Variants in SH3RF3 observed in about 807,000 individuals in gnomAD.
SH3RF3 encodes E3 ubiquitin-protein ligase SH3RF3.
SH3RF3 carries 29 observed loss-of-function variants against 66.3 expected under a neutral mutation model. That is an observed-to-expected ratio of 0.44 (90% CI 0.33 to 0.60). SH3RF3 has a LOEUF of 0.60. Ranked by LOEUF, SH3RF3 falls within the 20% of genes least tolerant of loss-of-function variation. The pLI, the probability that SH3RF3 is intolerant of heterozygous loss-of-function variation, is 0.04. For missense variants in SH3RF3, 1,194 were observed against 1,190.9 expected (o/e 1.00, Z -0.04); for synonymous variants, 583 against 532.0 (o/e 1.10, Z -1.32).
At chr2:109,187,773 A>G (rs1005183394) in intron 1 of SH3RF3, among the ~76,000 whole-genome samples, 2 of 152,222 alleles carry the variant, frequency 1.3e-5, no homozygotes, top group African/African-American at 4.8e-5. Flanking sequence ...ACACACAGGC[A>G]CACAGGTGGG....
intron 3 of SH3RF3, among the ~76,000 whole-genome samples, chr2:109,372,888 TAA>T (rs1683305978): frequency 2.6e-5 from 4 of 152,228 alleles, no homozygotes; most frequent in Non-Finnish European, 5.9e-5. Context: ...TGCAGATACT[TAA>T]AGATGTTTGT....
intron 4 of SH3RF3, among the ~76,000 whole-genome samples, chr2:109,412,737 T>C (rs931093830): frequency 2.0e-5 from 3 of 152,138 alleles, no homozygotes; most frequent in Non-Finnish European, 4.4e-5. Flanking sequence ...CAGGAAACCA[T>C]TGTCACTTGA....
chr2:109,394,614 T>G (rs1258496846), intron 3 of SH3RF3, among the ~76,000 whole-genome samples: 1 of 152,232 alleles, frequency 6.6e-6, no homozygotes. Context: ...CTCTTTCCAT[T>G]AAAAAACATG....
chr2:109,161,663 G>T (rs966684539), intron 1 of SH3RF3, among the ~76,000 whole-genome samples: 22 of 151,912 alleles, frequency 1.4e-4, no homozygotes, highest in African/African-American at 5.3e-4. Flanking sequence ...TGTGGAAGGC[G>T]AAGGGGAGCT....
intron 9 of SH3RF3, among the ~76,000 whole-genome samples, chr2:109,498,165 G>T (rs531750918): frequency 3.9e-5 from 6 of 152,214 alleles, no homozygotes; most frequent in Non-Finnish European, 8.8e-5. Context: ...CTTCCCGCCT[G>T]CATGTCCCTG....
intron 1 of SH3RF3, among the ~76,000 whole-genome samples, chr2:109,277,910 C>A (rs530056962): frequency 4.0e-5 from 6 of 151,702 alleles, no homozygotes; most frequent in African/African-American, 1.2e-4. Context: ...TGTGGTGGCT[C>A]ACGCCTATAA....
rs181344924 is a variant in SH3RF3 at position 109,484,149 on chromosome 2, C to T, written c.2149-6456C>T. On this transcript the variant is annotated intron_variant, in intron 8 of 9. Transcript: ENST00000309415. Reference sequence around the variant, plus strand: ...AGTGGCGTGATCTTGTCACTGCAACCTCTGCCTTCTGGGTTCAAGCGATTC... The same window carrying T: ...AGTGGCGTGATCTTGTCACTGCAACTTCTGCCTTCTGGGTTCAAGCGATTC... Among the ~76,000 whole-genome samples, 449 of 151,646 alleles carry T rather than the reference C, an allele frequency of 3.0e-3. 2 individuals carry two copies. Among genetic ancestry groups the T allele is most frequent in the African/African-American group, 0.01 (418 of 41,282 alleles).
chr2:109,204,214 C>A (rs1325741897), intron 1 of SH3RF3, among the ~76,000 whole-genome samples: 1 of 152,216 alleles, frequency 6.6e-6, no homozygotes, highest in Non-Finnish European at 1.5e-5. Flanking sequence ...GTCTGTATGT[C>A]TGTCTGTCTG....
intron 1 of SH3RF3, among the ~76,000 whole-genome samples, chr2:109,303,299 C>T (rs1320140161): frequency 6.6e-6 from 1 of 152,236 alleles, no homozygotes; most frequent in Non-Finnish European, 1.5e-5. Context: ...AACGTCCATC[C>T]ATGTGAGGAA....
intron 1 of SH3RF3, among the ~76,000 whole-genome samples, chr2:109,222,630 G>T (rs551038125): frequency 1.3e-5 from 2 of 152,338 alleles, no homozygotes; most frequent in South Asian, 4.1e-4. Flanking sequence ...CCTAGGAAGG[G>T]TGGTGCCCTG....
chr2:109,265,692 C>A (rs188915541), intron 1 of SH3RF3, among the ~76,000 whole-genome samples: 30 of 152,342 alleles, frequency 2.0e-4, no homozygotes, highest in Non-Finnish European at 3.5e-4. Context: ...AGCCACAGGT[C>A]ATCTGATTAT....
chr2:109,186,526 T>G (rs1442625086), intron 1 of SH3RF3, among the ~76,000 whole-genome samples: 1 of 152,234 alleles, frequency 6.6e-6, no homozygotes, highest in Non-Finnish European at 1.5e-5. Flanking sequence ...CAGACCTTGA[T>G]TTAGAAAGTC....
chr2:109,406,782 G>A (rs1025361122), intron 4 of SH3RF3, among the ~76,000 whole-genome samples: 2 of 151,952 alleles, frequency 1.3e-5, no homozygotes, highest in Admixed American at 1.3e-4. Context: ...ACCATAGCAG[G>A]GGCAGAAATG....
At chr2:109,495,259 G>A (rs1461934896) in intron 9 of SH3RF3, among the ~76,000 whole-genome samples, 1 of 152,216 alleles carries the variant, frequency 6.6e-6, no homozygotes, top group Non-Finnish European at 1.5e-5. Context: ...CATCAGGTTA[G>A]AACCGTCTAA....
intron 8 of SH3RF3, among the ~76,000 whole-genome samples, chr2:109,457,175 C>T (rs1200284388): frequency 6.6e-6 from 1 of 152,144 alleles, no homozygotes; most frequent in African/African-American, 2.4e-5. Flanking sequence ...TTGACGAATG[C>T]ATAACATAGT....
chr2:109,437,163 C>T lies in SH3RF3; in HGVS notation c.1828+17C>T, dbSNP rs769890754. The T allele has an allele frequency of 1.3e-6, 2 of 1,598,616 alleles. No homozygotes were observed. The highest frequency in any genetic ancestry group is 1.1e-5 in the South Asian group (1 of 89,502). ...TTTCAACAGGTACCTTCACAGGGGC[C>T]TCACCCTGCAGGGCATCAACAAGGG... On this transcript the variant is annotated intron_variant, in intron 7 of 9. Transcript: ENST00000309415.
chr2:109,290,004 CTTGT>C (rs1681125063), intron 1 of SH3RF3, among the ~76,000 whole-genome samples: 1 of 152,168 alleles, frequency 6.6e-6, no homozygotes, highest in African/African-American at 2.4e-5. Context: ...CTGGGGGGAC[CTTGT>C]TAAAATGCAG....
chr2:109,335,452 C>T (rs1682390649), intron 1 of SH3RF3, among the ~76,000 whole-genome samples: 1 of 152,192 alleles, frequency 6.6e-6, no homozygotes, highest in Non-Finnish European at 1.5e-5. Context: ...CTCTCTGCCC[C>T]TCAGGGCTGG....
intron 5 of SH3RF3, among the ~76,000 whole-genome samples, chr2:109,426,188 C>G (rs184449784): frequency 3.3e-5 from 5 of 152,346 alleles, no homozygotes; most frequent in African/African-American, 1.2e-4. Context: ...GGATTACAAT[C>G]GTGAGCCACT....
Sources: gnomAD v4.1 joint callset for allele counts (sites outside exome capture counted in the v4.1 genomes callset) on GRCh38, gnomAD v4.1.1 for gene constraint, MANE v1.5 for transcripts, NCBI Gene and HGNC (gene_info 2026-07-23, HGNC 2026-07-21) for gene names.